The following FER1L6 variants were observed in gnomAD, a reference collection of about 807,000 sequenced individuals.
FER1L6 encodes fer-1-like protein 6.
In FER1L6, 177 loss-of-function variants were observed where a neutral mutation model predicts 219.2. That is an observed-to-expected ratio of 0.81 (90% CI 0.71 to 0.91). The LOEUF (loss-of-function observed/expected upper bound fraction) is 0.91, where lower values mean the gene tolerates loss of function less well. Ranked by LOEUF, FER1L6 falls within the 40% of genes least tolerant of loss-of-function variation. The pLI is 0.00. For synonymous variants in FER1L6, 768 were observed against 824.3 expected (o/e 0.93, Z 1.17); for missense variants, 2,153 against 2,259.9 (o/e 0.95, Z 0.96).
At chr8:124,114,196 T>C (rs903398008) in intron 39 of FER1L6, among the ~76,000 whole-genome samples, 4 of 152,126 alleles carry the variant, frequency 2.6e-5, no homozygotes, top group Non-Finnish European at 4.4e-5. Flanking sequence ...CCCTCATCAG[T>C]TGGAAATAAA....
intron 1 of FER1L6, among the ~76,000 whole-genome samples, chr8:123,875,316 A>G (rs571791613): frequency 2.0e-5 from 3 of 152,354 alleles, no homozygotes; most frequent in East Asian, 3.9e-4. Context: ...AGTGACTTCC[A>G]TGCTGTTAAA....
chr8:124,013,793 T>C (rs897371148), intron 15 of FER1L6: 29 of 241,318 alleles, frequency 1.2e-4, no homozygotes, highest in Admixed American at 4.7e-4. Context: ...ACAAGAAAAA[T>C]GCTAGTAGTG....
chr8:124,010,782 C>T lies in FER1L6; in HGVS notation c.1821+68C>T. On this transcript the variant is annotated intron_variant, in intron 14 of 40. Transcript: ENST00000522917. ...TGGTGGGGGAAGGGATTTTTAAAAT[C>T]CACCTAGTAGAGGATGTTGACCTCA... 3 of 1,588,356 alleles carry T rather than the reference C, an allele frequency of 1.9e-6. No homozygotes were observed. In the South Asian group the frequency reaches 3.4e-5, roughly 18 times the overall value.
At chr8:124,051,809 C>T (rs898895660) in intron 22 of FER1L6, among the ~76,000 whole-genome samples, 8 of 152,144 alleles carry the variant, frequency 5.3e-5, no homozygotes, top group African/African-American at 9.7e-5. Context: ...GGGTTGCACA[C>T]GGCTACAGTA....
intron 1 of FER1L6, among the ~76,000 whole-genome samples, chr8:123,859,091 C>G (rs1034867019): frequency 1.3e-5 from 2 of 152,108 alleles, no homozygotes; most frequent in African/African-American, 4.8e-5. Flanking sequence ...CCTCTGCCTC[C>G]TGGACTCAAG....
chr8:124,094,809 T>C lies in FER1L6; in HGVS notation c.4553-87T>C. ...GCCCCTTGGTACATTTAAATAAGCC[T>C]GTAAGTGTTTAAAAATGCATGTGGC... On this transcript the variant is annotated intron_variant, in intron 34 of 40. Coordinates refer to ENST00000522917, the MANE Select transcript of FER1L6 (RefSeq NM_001039112.2). The C allele has an allele frequency of 3.5e-6, 5 of 1,419,670 alleles. No homozygotes were observed. The South Asian group carries it at 5.8e-5, about 16-fold the overall frequency. The allele number at this position is 1,419,670 out of a possible 1,614,324, so 87.9% of individuals were successfully genotyped here. A position where few individuals can be genotyped will look rare whatever the true frequency, so the allele number is the denominator to read the frequency against.
intron 1 of FER1L6, among the ~76,000 whole-genome samples, chr8:123,866,008 C>G (rs932014184): frequency 6.6e-6 from 1 of 151,224 alleles, no homozygotes; most frequent in African/African-American, 2.5e-5. Flanking sequence ...CTCCTCCCCC[C>G]CACATTTTCT....
chr8:123,992,175 C>T (rs1816890285), intron 12 of FER1L6, among the ~76,000 whole-genome samples: 1 of 151,776 alleles, frequency 6.6e-6, no homozygotes, highest in African/African-American at 2.4e-5. Flanking sequence ...TTTGTTATGT[C>T]CTTTCCTGGT....
rs902790503 is a variant in FER1L6 at position 124,037,735 on chromosome 8, G to A, written c.2465-2147G>A. ...GGGTGGAGGGTAGAGGGACAGAAAC[G>A]TGTGTGAGCCTCAAGACAATCAAGT... On this transcript the variant is annotated intron_variant, in intron 19 of 40. Coordinates refer to ENST00000522917, the MANE Select transcript of FER1L6 (RefSeq NM_001039112.2). 3.3e-5 allele frequency among the ~76,000 whole-genome samples: 5 copies of A among 152,224 alleles called. No individual in the cohort carries two copies. In the East Asian group the frequency reaches 7.7e-4, roughly 24 times the overall value.
At chr8:123,936,151 G>A (rs1813991107) in intron 1 of FER1L6, among the ~76,000 whole-genome samples, 1 of 152,106 alleles carries the variant, frequency 6.6e-6, no homozygotes, top group Admixed American at 6.6e-5. Context: ...GGGATCTGAT[G>A]TTACTGTAGG....
At chr8:124,077,762 G>C (rs572439313) in intron 32 of FER1L6, among the ~76,000 whole-genome samples, 1 of 152,312 alleles carries the variant, frequency 6.6e-6, no homozygotes, top group East Asian at 1.9e-4. Context: ...TGACATTGCA[G>C]CACCTCATCC....
intron 1 of FER1L6, among the ~76,000 whole-genome samples, chr8:123,858,735 G>A (rs145221168): frequency 2.0e-4 from 31 of 152,266 alleles, no homozygotes; most frequent in African/African-American, 7.0e-4. Context: ...AAGGTGAGAC[G>A]GCTTGAGAAG....
chr8:124,100,742 T>C (rs1416371056), intron 37 of FER1L6, among the ~76,000 whole-genome samples: 1 of 152,130 alleles, frequency 6.6e-6, no homozygotes, highest in African/African-American at 2.4e-5. Context: ...CACTCAAGTA[T>C]AGAGGTGGCA....
chr8:123,938,796 C>T (rs1814109636), intron 1 of FER1L6, among the ~76,000 whole-genome samples: 1 of 152,102 alleles, frequency 6.6e-6, no homozygotes, highest in Non-Finnish European at 1.5e-5. Context: ...TATCTACCTG[C>T]CTTGACCTCC....
At chr8:124,019,452 A>G (rs1332932266) in intron 16 of FER1L6, among the ~76,000 whole-genome samples, 2 of 152,152 alleles carry the variant, frequency 1.3e-5, no homozygotes, top group African/African-American at 4.8e-5. Flanking sequence ...ACCTCGCCAA[A>G]CTGTCAATGT....
chr8:123,868,867 G>T (rs1816878854), intron 1 of FER1L6, among the ~76,000 whole-genome samples: 1 of 152,078 alleles, frequency 6.6e-6, no homozygotes, highest in South Asian at 2.1e-4. Flanking sequence ...TTTAAGAGAG[G>T]TATCACATAG....
chr8:124,047,622 T>G (rs993306343), intron 21 of FER1L6: 2 of 152,212 alleles, frequency 1.3e-5, no homozygotes, highest in African/African-American at 4.8e-5. Context: ...AGATCTCCAT[T>G]CAGTAATGGC....
At chr8:123,927,882 C>T (rs1004155440) in intron 1 of FER1L6, among the ~76,000 whole-genome samples, 2 of 152,166 alleles carry the variant, frequency 1.3e-5, no homozygotes, top group African/African-American at 4.8e-5. Context: ...TTATATATCA[C>T]AGTGTTTATT....
intron 18 of FER1L6, among the ~76,000 whole-genome samples, chr8:124,033,710 T>G (rs1316223783): frequency 6.6e-6 from 1 of 152,218 alleles, no homozygotes; most frequent in African/African-American, 2.4e-5. Context: ...ATTACCTAAA[T>G]CTTTGTTCAC....
Sources: allele counts gnomAD v4.1 joint callset (sites outside exome capture counted in the v4.1 genomes callset), GRCh38; gene constraint gnomAD v4.1.1; transcripts MANE v1.5; gene names NCBI Gene and HGNC (gene_info 2026-07-23, HGNC 2026-07-21).